Variants in DOCK3 observed in about 807,000 individuals in gnomAD.
DOCK3 encodes dedicator of cytokinesis protein 3.
In DOCK3, 60 loss-of-function variants were observed where a neutral mutation model predicts 265.6. The observed-to-expected ratio is 0.23, with a 90% CI of 0.18 to 0.28. DOCK3 has a LOEUF of 0.28. Ranked by LOEUF, DOCK3 falls within the 10% of genes least tolerant of loss-of-function variation. DOCK3 has a pLI of 1.00. For synonymous variants in DOCK3, 881 were observed against 938.0 expected (o/e 0.94, Z 1.11); for missense variants, 1,981 against 2,594.3 (o/e 0.76, Z 5.14).
intron 9 of DOCK3, among the ~76,000 whole-genome samples, chr3:51,102,124 G>A (rs954849500): frequency 1.2e-4 from 19 of 152,172 alleles, no homozygotes; most frequent in African/African-American, 4.6e-4. Flanking sequence ...GCCTGTGGCT[G>A]GTGTCTTTGG....
rs143840853 is a variant in DOCK3 at position 50,891,184 on chromosome 3, G to A, written c.218+1103G>A. 2.0e-3 allele frequency among the ~76,000 whole-genome samples: 308 copies of A among 152,152 alleles called. 3 individuals carry two copies. The highest frequency in any genetic ancestry group is 6.8e-3 in the African/African-American group (282 of 41,542). On this transcript the variant is annotated intron_variant, in intron 4 of 52. Coordinates refer to ENST00000266037, the MANE Select transcript of DOCK3 (RefSeq NM_004947.5). ...ACACCTCTTCACCTTCTTTTCCCCA[G>A]TATCTTTCTAATGCTTCCAGCTGGC...
At chr3:50,894,902 C>T (rs1049670780) in intron 4 of DOCK3, among the ~76,000 whole-genome samples, 10 of 152,016 alleles carry the variant, frequency 6.6e-5, no homozygotes, top group Non-Finnish European at 1.3e-4. Flanking sequence ...AGTTCTTGAG[C>T]GTTAAAACAA....
chr3:50,885,749 C>T (rs755351998), intron 3 of DOCK3, among the ~76,000 whole-genome samples: 1 of 151,910 alleles, frequency 6.6e-6, no homozygotes, highest in Non-Finnish European at 1.5e-5. Flanking sequence ...TTTTGGGGTC[C>T]CTAAACAGTC....
chr3:51,277,992 T>C (rs2080906731), intron 26 of DOCK3: 1 of 985,268 alleles, frequency 1.0e-6, no homozygotes, highest in Admixed American at 6.1e-5. Flanking sequence ...TCTTGTCCTG[T>C]TTTCCTGCAT....
chr3:51,355,034 A>G lies in DOCK3; in HGVS notation c.4249+11A>G, dbSNP rs145520252. 1.6e-4 allele frequency: 266 copies of G among 1,612,168 alleles called. No individual in the cohort carries two copies. The highest frequency in any genetic ancestry group is 2.2e-4 in the Non-Finnish European group (254 of 1,178,936). ...AGTGCGATGCCCAGTGTATCCTTTG[A>G]TACTGGGTGGGAGGAGGAGGGCAGG... On this transcript the variant is annotated intron_variant, in intron 41 of 52. Transcript: ENST00000266037.
At chr3:50,759,666 G>A (rs1251320936) in intron 1 of DOCK3, among the ~76,000 whole-genome samples, 25 of 113,662 alleles carry the variant, frequency 2.2e-4, no homozygotes, top group African/African-American at 7.0e-4. Context: ...GTAAGACCCC[G>A]TCTCTAAAAA....
chr3:50,841,738 C>CCTTTCTTTTTCTTTTTCTTTTTTT, intron 3 of DOCK3, 23 bp downstream of exon 3: 1 of 536,468 alleles, frequency 1.9e-6, no homozygotes, highest in Non-Finnish European at 3.0e-6. Flanking sequence ...TTATTGTTAC[C>CCTTTCTTTTTCTTTTTCTTTTTTT]TTTTCTAATG....
At chr3:51,167,368 T>C (rs186933859) in intron 12 of DOCK3, among the ~76,000 whole-genome samples, 5 of 152,326 alleles carry the variant, frequency 3.3e-5, no homozygotes, top group Non-Finnish European at 7.4e-5. Flanking sequence ...TTATTTGAAA[T>C]CAGGAAGTGT....
intron 5 of DOCK3, among the ~76,000 whole-genome samples, chr3:51,041,179 TATATATATATATATATATATATATA>T (rs1490793360): frequency 5.6e-3 from 65 of 11,590 alleles, no homozygotes; most frequent in African/African-American, 0.018. Flanking sequence ...TATATATATA[TATATATATATATATATATATATATA>T]TTTTTTTTTT....
At chr3:50,913,984 G>A (rs748354919) in intron 4 of DOCK3, among the ~76,000 whole-genome samples, 6 of 151,970 alleles carry the variant, frequency 3.9e-5, no homozygotes, top group Non-Finnish European at 8.8e-5. Flanking sequence ...CTTGTGTTGC[G>A]GGGAGAGGAC....
At chr3:51,119,741 G>A (rs1024104497) in intron 9 of DOCK3, among the ~76,000 whole-genome samples, 4 of 151,572 alleles carry the variant, frequency 2.6e-5, no homozygotes, top group Admixed American at 6.6e-5. Flanking sequence ...CCTTTCTTCT[G>A]CTTGATCAGT....
chr3:51,199,124 G>A (rs1312913233), intron 12 of DOCK3, among the ~76,000 whole-genome samples: 1 of 152,322 alleles, frequency 6.6e-6, no homozygotes, highest in East Asian at 1.9e-4. Flanking sequence ...GAAGACGGGT[G>A]ATTTCTGCAT....
chr3:51,251,855 CTTCAG>C (rs989028227), intron 22 of DOCK3, among the ~76,000 whole-genome samples: 3 of 152,142 alleles, frequency 2.0e-5, no homozygotes, highest in African/African-American at 7.2e-5. Flanking sequence ...TGCAGAAGCT[CTTCAG>C]TTTAATTAGA....
intron 27 of DOCK3, among the ~76,000 whole-genome samples, chr3:51,285,015 C>T (rs2081332001): frequency 6.6e-6 from 1 of 152,186 alleles, no homozygotes; most frequent in South Asian, 2.1e-4. Context: ...TGAACTGGAG[C>T]ATGCATCCAA....
intron 49 of DOCK3, among the ~76,000 whole-genome samples, chr3:51,366,188 A>C (rs1266322544): frequency 6.6e-6 from 1 of 152,166 alleles, no homozygotes; most frequent in Non-Finnish European, 1.5e-5. Context: ...CTATTGAGGG[A>C]TTCAACTTCT....
In DOCK3 at chr3:50,700,292, G is replaced by A. The variant is rs554940143; in HGVS notation, c.37+24992G>A. Among the ~76,000 whole-genome samples the A allele has an allele frequency of 9.2e-5, 14 of 152,286 alleles. No individual in the cohort carries two copies. In the South Asian group the frequency reaches 2.7e-3, roughly 29 times the overall value. On this transcript the variant is annotated intron_variant, in intron 1 of 52. Coordinates refer to ENST00000266037, the MANE Select transcript of DOCK3 (RefSeq NM_004947.5). Reference sequence around the variant, plus strand: ...GAAACTCTGTGTCAAAAAAGACAAAGCAAATATTATCTTCTAGCTTTTCTG... The same window carrying A: ...GAAACTCTGTGTCAAAAAAGACAAAACAAATATTATCTTCTAGCTTTTCTG...
chr3:50,924,190 T>C (rs1437676223), intron 4 of DOCK3, among the ~76,000 whole-genome samples: 1 of 152,166 alleles, frequency 6.6e-6, no homozygotes, highest in East Asian at 1.9e-4. Flanking sequence ...AGTGAGTCAT[T>C]AGGTGTGAGA....
At chr3:50,734,543 T>A (rs2038440628) in intron 1 of DOCK3, among the ~76,000 whole-genome samples, 1 of 148,644 alleles carries the variant, frequency 6.7e-6, no homozygotes. Context: ...GTAACTTCTC[T>A]CCCCACATTT....
At chr3:50,692,663 C>G (rs1317190515) in intron 1 of DOCK3, among the ~76,000 whole-genome samples, 1 of 152,160 alleles carries the variant, frequency 6.6e-6, no homozygotes, top group African/African-American at 2.4e-5. Context: ...CAAATATTTT[C>G]TCTTATTCTG....
Sources: allele counts gnomAD v4.1 joint callset (sites outside exome capture counted in the v4.1 genomes callset), GRCh38; gene constraint gnomAD v4.1.1; transcripts MANE v1.5; gene names NCBI Gene and HGNC (gene_info 2026-07-23, HGNC 2026-07-21).